FRYL: variants seen among roughly 807,000 people sequenced by gnomAD.
The protein encoded by FRYL is FRY like transcription coactivator, also known as protein furry homolog-like.
A neutral mutation model predicts 351.2 loss-of-function variants in FRYL; 150 were observed. That is an observed-to-expected ratio of 0.43 (90% CI 0.37 to 0.49). The LOEUF is 0.49. FRYL is among the 20% of genes least tolerant of loss of function. FRYL has a pLI of 0.00. For synonymous variants in FRYL, 1,153 were observed against 1,257.1 expected (o/e 0.92, Z 1.75); for missense variants, 3,036 against 3,619.3 (o/e 0.84, Z 4.13).
At chr4:48,777,039 T>C (rs1443759138) in intron 1 of FRYL, among the ~76,000 whole-genome samples, 1 of 151,998 alleles carries the variant, frequency 6.6e-6, no homozygotes, top group African/African-American at 2.4e-5. Flanking sequence ...CTGGGTCTAA[T>C]TTAAAAAAAA....
chr4:48,548,033 CAT>C (rs911298995), intron 40 of FRYL, among the ~76,000 whole-genome samples: 3 of 151,678 alleles, frequency 2.0e-5, no homozygotes, highest in Non-Finnish European at 4.4e-5. Flanking sequence ...TGTTACATAA[CAT>C]AAAAAAATTC....
At chr4:48,627,894 C>T (rs1752146344) in intron 4 of FRYL, among the ~76,000 whole-genome samples, 1 of 152,132 alleles carries the variant, frequency 6.6e-6, no homozygotes, top group Non-Finnish European at 1.5e-5. Flanking sequence ...GCCTCACCTC[C>T]CCAGCAGCTG....
intron 52 of FRYL, 52 bp from the exon 53 acceptor site, chr4:48,527,705 C>A: frequency 6.5e-7 from 1 of 1,546,682 alleles, no homozygotes. Context: ...ATTTGTCACT[C>A]TGCGTATGAG....
Position 48,540,535 on chromosome 4 carries a change from G to A in FRYL, c.6113C>T (p.Ser2038Leu). 1.2e-6 allele frequency: 2 copies of A among 1,614,008 alleles called. No homozygotes were observed. The highest frequency in any genetic ancestry group is 1.7e-6 in the Non-Finnish European group (2 of 1,179,914). The change falls in exon 46 of 64, where the codon TCA becomes TTA. Residue 2038 changes from serine to leucine, a missense_variant. Around this residue, in one of 7 missense-constraint regions of FRYL, gnomAD observed 1,987 missense variants for 2,311.7 expected, o/e 0.86. Coordinates refer to ENST00000358350, the MANE Select transcript of FRYL (RefSeq NM_015030.2). ...ATTTTCAATCTTCTCTCGACTCTCTGATTTATCCAAAGGCAAATGGATAAG... is the reference window on the plus strand; with the variant it reads ...ATTTTCAATCTTCTCTCGACTCTCTAATTTATCCAAAGGCAAATGGATAAG... ...KLLIHLPLDKSESREKIENVQ... is the reference protein window; with the variant it reads ...KLLIHLPLDKLESREKIENVQ...
intron 3 of FRYL, among the ~76,000 whole-genome samples, chr4:48,656,388 T>C (rs1225412152): frequency 4.5e-5 from 6 of 133,682 alleles, no homozygotes; most frequent in Admixed American, 1.6e-4. Flanking sequence ...ATATATAATA[T>C]ATAATTAATA....
Position 48,582,738 on chromosome 4 carries a change from C to T in FRYL, c.1749-4G>A, listed in dbSNP as rs773200607. 4 of 1,604,878 alleles carry T rather than the reference C, an allele frequency of 2.5e-6. No homozygotes were observed. In the East Asian group the frequency reaches 6.7e-5, roughly 27 times the overall value. On this transcript the variant is annotated splice_region_variant and splice_polypyrimidine_tract_variant and intron_variant, in intron 19 of 63. Transcript: ENST00000358350. ...TTCATCCATATGAATTGTGAGCCTA[C>T]CAAGAACAAAATTCCATTAGCAAAC...
chr4:48,603,231 TA>T, intron 12 of FRYL, 58 bp downstream of exon 12: 1 of 1,152,230 alleles, frequency 8.7e-7, no homozygotes, highest in Admixed American at 2.1e-5. Context: ...ACTGAATTCA[TA>T]AATCAATTAC....
At chr4:48,707,536 A>G (rs1767499066) in intron 2 of FRYL, among the ~76,000 whole-genome samples, 2 of 152,214 alleles carry the variant, frequency 1.3e-5, no homozygotes, top group Non-Finnish European at 1.5e-5. Context: ...TTACTTCTGC[A>G]TATGTTTCTC....
chr4:48,579,102 G>C lies in FRYL; in HGVS notation c.2399C>G (p.Pro800Arg). The C allele has an allele frequency of 1.2e-6, 2 of 1,614,038 alleles. No individual in the cohort carries two copies. Among genetic ancestry groups the C allele is most frequent in the Non-Finnish European group, 1.7e-6 (2 of 1,179,938 alleles). Residue 800 changes from proline (P) to arginine (R), a missense_variant, in exon 23 of 64, where the codon CCA (proline) becomes CGA (arginine). By Grantham distance (103) the Pro-to-Arg change is moderately radical. This residue lies in a region of FRYL where 492 missense variants were observed against 551.5 expected (regional missense o/e 0.89). Coordinates refer to ENST00000358350, the MANE Select transcript of FRYL (RefSeq NM_015030.2). Reference sequence around the variant, plus strand: ...AAAACTGGAGAGACTTATAATCCATGGGTCTTGGCCTTGGGTCACATGTGC... The same window carrying C: ...AAAACTGGAGAGACTTATAATCCATCGGTCTTGGCCTTGGGTCACATGTGC... ...IFAHVTQGQD[P>R]WIISLSSFLK...
chr4:48,645,383 A>G (rs1205148926), intron 3 of FRYL, among the ~76,000 whole-genome samples: 1 of 152,108 alleles, frequency 6.6e-6, no homozygotes. Flanking sequence ...TCAGCTTTGT[A>G]TGAGCTTATC....
chr4:48,719,860 T>C (rs890042788), intron 1 of FRYL, among the ~76,000 whole-genome samples: 1 of 151,518 alleles, frequency 6.6e-6, no homozygotes, highest in African/African-American at 2.4e-5. Flanking sequence ...TTTTAAAAAA[T>C]TGCACTAAAG....
chr4:48,540,109 G>A, intron 46 of FRYL, 41 bp from the exon 47 acceptor site: 1 of 1,448,262 alleles, frequency 6.9e-7, no homozygotes, highest in Non-Finnish European at 9.6e-7. Context: ...CAATTTTATT[G>A]CACATTATTT....
At chr4:48,680,184 G>A (rs1310467915) in intron 3 of FRYL, among the ~76,000 whole-genome samples, 1 of 151,560 alleles carries the variant, frequency 6.6e-6, no homozygotes, top group Non-Finnish European at 1.5e-5. Context: ...AACTTGCAGA[G>A]GGTTTACAGA....
chr4:48,654,451 G>T (rs1336983136), intron 3 of FRYL, among the ~76,000 whole-genome samples: 1 of 152,088 alleles, frequency 6.6e-6, no homozygotes, highest in Non-Finnish European at 1.5e-5. Context: ...GCATGTTTGT[G>T]ATGATGCAGA....
chr4:48,540,411 G>A lies in FRYL; in HGVS notation c.6237C>T (p.Leu2079=). The change falls in exon 46 of 64, where the codon CTC becomes CTT. Residue 2079 remains leucine, a synonymous_variant. Coordinates refer to ENST00000358350, the MANE Select transcript of FRYL (RefSeq NM_015030.2). ...SASTQEMTVH[L]LSKLISVSKH... Reference sequence around the variant, plus strand: ...TGGAGACAGAAATGAGTTTACTGAGGAGGTGCACGGTCATTTCTTGTGTAG... The same window carrying A: ...TGGAGACAGAAATGAGTTTACTGAGAAGGTGCACGGTCATTTCTTGTGTAG... 1.2e-6 allele frequency: 2 copies of A among 1,613,838 alleles called. No homozygotes were observed. The highest frequency in any genetic ancestry group is 1.7e-6 in the Non-Finnish European group (2 of 1,179,760).
intron 5 of FRYL, among the ~76,000 whole-genome samples, chr4:48,621,594 C>T (rs1258840318): frequency 6.6e-6 from 1 of 152,118 alleles, no homozygotes; most frequent in Non-Finnish European, 1.5e-5. Flanking sequence ...ATTCTGAAAT[C>T]AGTATATAAT....
At chr4:48,571,069 AAGAGGTATG>A (rs1319397264) in intron 26 of FRYL, 151 bp from the exon 27 acceptor site, 2 of 561,782 alleles carry the variant, frequency 3.6e-6, no homozygotes, top group Admixed American at 6.0e-5. Context: ...TACTGCCTCA[AAGAGGTATG>A]AGTGAACAGT....
intron 53 of FRYL, chr4:48,523,545 AACATTTAAATAT>A (rs1304827788): frequency 6.4e-6 from 1 of 157,138 alleles, no homozygotes; most frequent in African/African-American, 2.4e-5. Context: ...AACGAAGACA[AACATTTAAATAT>A]ACACTACACT....
intron 7 of FRYL, chr4:48,618,017 TAGTC>T (rs1320033098): frequency 6.6e-6 from 1 of 152,228 alleles, no homozygotes; most frequent in Non-Finnish European, 1.5e-5. Flanking sequence ...CAATGAGCAG[TAGTC>T]AGAGTCCATT....
Sources: gnomAD v4.1 joint callset for allele counts (sites outside exome capture counted in the v4.1 genomes callset) on GRCh38, gnomAD v4.1.1 for gene constraint, gnomAD v4.1.1 regional missense constraint, MANE v1.5 for transcripts, NCBI Gene and HGNC (gene_info 2026-07-23, HGNC 2026-07-21) for gene names.